ARFIP1: variants seen among roughly 807,000 people sequenced by gnomAD.
ARFIP1 encodes the protein arfaptin-1.
A neutral mutation model predicts 42.5 loss-of-function variants in ARFIP1; 24 were observed. That is an observed-to-expected ratio of 0.57 (90% confidence interval 0.41 to 0.80). ARFIP1 has a LOEUF of 0.80. Ranked by LOEUF, ARFIP1 falls within the 30% of genes least tolerant of loss-of-function variation. The pLI is 0.00. For synonymous variants in ARFIP1, 141 were observed against 153.7 expected, an observed-to-expected ratio of 0.92 and a Z score of 0.61; for missense variants, 354 against 434.0, an observed-to-expected ratio of 0.82 and a Z score of 1.64.
chr4:152,789,377 A>G (rs1731013618), intron 1 of ARFIP1, among the ~76,000 whole-genome samples: 1 of 151,350 alleles, frequency 6.6e-6, no homozygotes, highest in South Asian at 2.1e-4. Flanking sequence ...GGCGTGAGCC[A>G]CTGTACCTGG....
At chr4:152,900,202 CTG>C (rs1262583145) in intron 8 of ARFIP1, among the ~76,000 whole-genome samples, 1 of 152,076 alleles carries the variant, frequency 6.6e-6, no homozygotes, top group Non-Finnish European at 1.5e-5. Flanking sequence ...GGAACTAACA[CTG>C]TAAAAACATA....
intron 1 of ARFIP1, among the ~76,000 whole-genome samples, chr4:152,814,722 T>C (rs1166839307): frequency 6.6e-6 from 1 of 151,958 alleles, no homozygotes; most frequent in Admixed American, 6.6e-5. Flanking sequence ...TAAGGTAAGG[T>C]AAAGGTAAAA....
chr4:152,895,800 A>G (rs754704151), intron 8 of ARFIP1, among the ~76,000 whole-genome samples: 3 of 151,968 alleles, frequency 2.0e-5, no homozygotes, highest in Non-Finnish European at 4.4e-5. Flanking sequence ...GGCCTCAAGC[A>G]GTCCTTCTGC....
intron 8 of ARFIP1, among the ~76,000 whole-genome samples, chr4:152,909,421 G>GA (rs1192206305): frequency 6.6e-6 from 1 of 151,986 alleles, no homozygotes; most frequent in East Asian, 1.9e-4. Context: ...ACAACCTCAG[G>GA]AAACAGTTTA....
At chr4:152,805,695 A>C (rs1728943919) in intron 1 of ARFIP1, among the ~76,000 whole-genome samples, 1 of 152,224 alleles carries the variant, frequency 6.6e-6, no homozygotes, top group South Asian at 2.1e-4. Context: ...AACTGAATAT[A>C]GCACTCATAT....
chr4:152,851,290 G>A (rs1732956626), intron 2 of ARFIP1, among the ~76,000 whole-genome samples: 1 of 152,190 alleles, frequency 6.6e-6, no homozygotes, highest in African/African-American at 2.4e-5. Context: ...GTATAGCATG[G>A]TCTGAGTACT....
intron 2 of ARFIP1, among the ~76,000 whole-genome samples, chr4:152,854,362 A>G (rs371907919): frequency 2.6e-5 from 4 of 152,056 alleles, no homozygotes; most frequent in African/African-American, 9.6e-5. Context: ...TTTCTCATTC[A>G]TATCCTGAAT....
At chr4:152,856,039 C>T (rs768378253) in intron 2 of ARFIP1, among the ~76,000 whole-genome samples, 21 of 152,252 alleles carry the variant, frequency 1.4e-4, no homozygotes, top group South Asian at 4.1e-4. Flanking sequence ...GTGCGAAATG[C>T]CTCTAATCAG....
intron 8 of ARFIP1, among the ~76,000 whole-genome samples, chr4:152,900,323 T>C (rs1326633675): frequency 1.3e-5 from 2 of 152,234 alleles, no homozygotes; most frequent in Non-Finnish European, 2.9e-5. Context: ...TCACCACAGT[T>C]CTGTGACCTG....
chr4:152,817,809 T>C (rs1730024826), intron 1 of ARFIP1, among the ~76,000 whole-genome samples: 1 of 152,200 alleles, frequency 6.6e-6, no homozygotes, highest in Admixed American at 6.5e-5. Flanking sequence ...TGAATAGATA[T>C]TTCTACAAAG....
At chr4:152,859,470 T>C (rs1314793049) in intron 2 of ARFIP1, among the ~76,000 whole-genome samples, 1 of 152,232 alleles carries the variant, frequency 6.6e-6, no homozygotes, top group Non-Finnish European at 1.5e-5. Context: ...ATTTATTGAA[T>C]ATAGAGTGAT....
At chr4:152,891,386 A>G (rs1222456945) in intron 8 of ARFIP1, among the ~76,000 whole-genome samples, 1 of 152,194 alleles carries the variant, frequency 6.6e-6, no homozygotes, top group East Asian at 1.9e-4. Flanking sequence ...TCAAAACGAT[A>G]AGTATTGTCG....
At position 152,835,371 on chromosome 4, in the gene ARFIP1, C is replaced by T. The variant is rs543002512; in HGVS notation, c.93+5645C>T. Among the ~76,000 whole-genome samples, 12 of 152,314 alleles carry T rather than the reference C, an allele frequency of 7.9e-5. No homozygotes were observed. In the South Asian group the frequency reaches 2.5e-3, roughly 32 times the overall value. On this transcript the variant is annotated intron_variant, in intron 2 of 8. Transcript: ENST00000353617. ...TTCTGCCAGATAACCTAATTTGTCA[C>T]TCTTAAGTTCAAACTTCCACAGATC...
chr4:152,867,688 G>A (rs1734528535), intron 3 of ARFIP1, among the ~76,000 whole-genome samples: 3 of 152,088 alleles, frequency 2.0e-5, no homozygotes, highest in Admixed American at 1.3e-4. Context: ...ATCATGAACT[G>A]ATATACATGA....
intron 2 of ARFIP1, among the ~76,000 whole-genome samples, chr4:152,841,313 C>T (rs1732055593): frequency 6.6e-6 from 1 of 152,168 alleles, no homozygotes; most frequent in African/African-American, 2.4e-5. Context: ...GGATTACAGG[C>T]ATGAGCCACC....
At chr4:152,786,550 A>G (rs1730820504) in intron 1 of ARFIP1, among the ~76,000 whole-genome samples, 1 of 152,164 alleles carries the variant, frequency 6.6e-6, no homozygotes, top group Non-Finnish European at 1.5e-5. Flanking sequence ...CTGCCACTTC[A>G]TCTTGCCTGA....
chr4:152,803,881 G>A (rs1728620159), intron 1 of ARFIP1, among the ~76,000 whole-genome samples: 1 of 149,944 alleles, frequency 6.7e-6, no homozygotes, highest in Non-Finnish European at 1.5e-5. Context: ...TGATAATATG[G>A]AGATAAAAGA....
At chr4:152,827,386 G>A (rs1010785136) in intron 1 of ARFIP1, among the ~76,000 whole-genome samples, 4 of 152,078 alleles carry the variant, frequency 2.6e-5, no homozygotes, top group Admixed American at 1.3e-4. Flanking sequence ...TGGTACATTC[G>A]TTAAAATTGA....
intron 6 of ARFIP1, 38 bp from the exon 7 acceptor site, chr4:152,882,685 T>A: frequency 6.3e-7 from 1 of 1,592,682 alleles, no homozygotes; most frequent in Non-Finnish European, 8.6e-7. Context: ...TTTTACTGAT[T>A]TATTACTGAA....
Sources: gnomAD v4.1 joint callset for allele counts (sites outside exome capture counted in the v4.1 genomes callset) on GRCh38, gnomAD v4.1.1 for gene constraint, MANE v1.5 for transcripts, NCBI Gene and HGNC (gene_info 2026-07-23, HGNC 2026-07-21) for gene names.